Variants in CCDC92B observed in about 807,000 individuals in gnomAD.
CCDC92B encodes the protein coiled-coil domain containing 92B.
In CCDC92B, 2 loss-of-function variants were observed where a neutral mutation model predicts 5.6. That is an observed-to-expected ratio of 0.36 (90% CI 0.15 to 1.12). The LOEUF (loss-of-function observed/expected upper bound fraction) is 1.12, where lower values mean the gene tolerates loss of function less well. Ranked by LOEUF, CCDC92B falls within the 50% of genes most tolerant of loss-of-function variation. The pLI is 0.40. For missense variants in CCDC92B, 271 were observed against 262.2 expected (o/e 1.03, Z -0.23); for synonymous variants, 115 against 122.3 (o/e 0.94, Z 0.39).
At chr17:2,725,266 C>T (rs998928969) in intron 3 of CCDC92B, among the ~76,000 whole-genome samples, 17 of 151,870 alleles carry the variant, frequency 1.1e-4, no homozygotes, top group Admixed American at 5.3e-4. Context: ...GCCTGTAATC[C>T]CAGCTACTCG....
intron 1 of CCDC92B, 87 bp from the exon 2 acceptor site, chr17:2,735,255 A>G: frequency 1.1e-6 from 1 of 903,318 alleles, no homozygotes; most frequent in Non-Finnish European, 1.3e-6. Context: ...CCTCCGCTCT[A>G]GGTCCTGTTG....
chr17:2,743,977 G>A (rs1429450900), intron 1 of CCDC92B, among the ~76,000 whole-genome samples: 1 of 151,810 alleles, frequency 6.6e-6, no homozygotes, highest in East Asian at 1.9e-4. Context: ...TCCCGGGTTC[G>A]AGCAAATCTC....
chr17:2,728,612 A>AG (rs1200064582), intron 3 of CCDC92B, among the ~76,000 whole-genome samples: 2 of 151,908 alleles, frequency 1.3e-5, no homozygotes, highest in Admixed American at 6.6e-5. Flanking sequence ...CAAAAAAAAA[A>AG]AACAAAAAAA....
chr17:2,743,230 G>C (rs1006770697), intron 1 of CCDC92B, among the ~76,000 whole-genome samples: 9 of 152,314 alleles, frequency 5.9e-5, no homozygotes, highest in Admixed American at 3.9e-4. Flanking sequence ...AGGAGTTCGA[G>C]ACCAGCCTGG....
intron 1 of CCDC92B, among the ~76,000 whole-genome samples, chr17:2,743,898 G>C (rs1269001465): frequency 6.6e-6 from 1 of 151,364 alleles, no homozygotes; most frequent in Admixed American, 6.6e-5. Context: ...ATTTTTTTGA[G>C]ATGGAGTCTG....
intron 3 of CCDC92B, among the ~76,000 whole-genome samples, chr17:2,727,551 T>A (rs144461593): frequency 6.6e-6 from 1 of 152,028 alleles, no homozygotes; most frequent in Non-Finnish European, 1.5e-5. Flanking sequence ...GAGGGCTGGG[T>A]GCAGTGGCTC....
chr17:2,737,354 G>A (rs2070868373), intron 1 of CCDC92B, among the ~76,000 whole-genome samples: 1 of 151,876 alleles, frequency 6.6e-6, no homozygotes, highest in Admixed American at 6.6e-5. Flanking sequence ...TCATTTGTGG[G>A]GTTACATCGA....
intron 2 of CCDC92B, among the ~76,000 whole-genome samples, chr17:2,732,296 TC>T (rs1169882190): frequency 6.6e-6 from 1 of 152,166 alleles, no homozygotes; most frequent in Non-Finnish European, 1.5e-5. Context: ...TCTGGGTCCC[TC>T]TTTAATCTCC....
intron 3 of CCDC92B, among the ~76,000 whole-genome samples, chr17:2,730,071 A>G (rs1278828760): frequency 6.6e-6 from 1 of 152,190 alleles, no homozygotes; most frequent in East Asian, 1.9e-4. Flanking sequence ...AAGCAGGCTA[A>G]GGGGAAGTAA....
At chr17:2,737,965 G>A (rs1227472080) in intron 1 of CCDC92B, among the ~76,000 whole-genome samples, 4 of 151,948 alleles carry the variant, frequency 2.6e-5, no homozygotes, top group Non-Finnish European at 4.4e-5. Flanking sequence ...CGCTTCACAC[G>A]CTCAGTAAGG....
At chr17:2,748,079 G>C (rs760408541) in intron 1 of CCDC92B, 2 of 526,236 alleles carry the variant, frequency 3.8e-6, no homozygotes, top group South Asian at 2.8e-5. Flanking sequence ...TGGCGTTTAT[G>C]GCTTCTCATA....
intron 3 of CCDC92B, among the ~76,000 whole-genome samples, chr17:2,728,336 G>A (rs530585913): frequency 3.9e-3 from 578 of 149,914 alleles, no homozygotes; most frequent in Non-Finnish European, 5.6e-3. Context: ...GGCCAGACGC[G>A]GTGGCTCATG....
chr17:2,746,237 C>T (rs1052233953), intron 1 of CCDC92B, among the ~76,000 whole-genome samples: 4 of 152,194 alleles, frequency 2.6e-5, no homozygotes, highest in African/African-American at 9.7e-5. Flanking sequence ...TTGCCTCGGA[C>T]TCCCAAAGTG....
At chr17:2,725,314 C>A (rs1251073692) in intron 3 of CCDC92B, among the ~76,000 whole-genome samples, 1 of 151,796 alleles carries the variant, frequency 6.6e-6, no homozygotes, top group African/African-American at 2.4e-5. Context: ...ACCGGGGAGG[C>A]GGAGGTTGCA....
chr17:2,729,686 G>A (rs1351958830), intron 3 of CCDC92B, among the ~76,000 whole-genome samples: 2 of 152,094 alleles, frequency 1.3e-5, no homozygotes, highest in Non-Finnish European at 2.9e-5. Flanking sequence ...CCATTTGTAG[G>A]AGTACCATTC....
chr17:2,730,903 T>G (rs1322921042), intron 2 of CCDC92B, among the ~76,000 whole-genome samples: 2 of 152,246 alleles, frequency 1.3e-5, no homozygotes, highest in South Asian at 4.1e-4. Flanking sequence ...CTTTGACCCT[T>G]TCGTGTTTAG....
chr17:2,748,357 C>G (rs976802738), intron 1 of CCDC92B: 1 of 984,610 alleles, frequency 1.0e-6, no homozygotes, highest in Non-Finnish European at 1.2e-6. Flanking sequence ...TCTCCCGCCT[C>G]TCTGTTCCCC....
intron 1 of CCDC92B, chr17:2,748,587 T>C (rs1030310926): frequency 1.0e-6 from 1 of 985,040 alleles, no homozygotes; most frequent in African/African-American, 1.7e-5. Context: ...ATACGCTTCC[T>C]GAGGGCAAGG....
intron 2 of CCDC92B, among the ~76,000 whole-genome samples, chr17:2,732,549 T>C (rs946536353): frequency 6.6e-6 from 1 of 151,980 alleles, no homozygotes; most frequent in Non-Finnish European, 1.5e-5. Context: ...AAACCCCATC[T>C]CTACTAAAAA....
Sources: gnomAD v4.1 joint callset for allele counts (sites outside exome capture counted in the v4.1 genomes callset) on GRCh38, gnomAD v4.1.1 for gene constraint, MANE v1.5 for transcripts, NCBI Gene and HGNC (gene_info 2026-07-23, HGNC 2026-07-21) for gene names.